The following CAST variants were observed in gnomAD, a reference collection of about 807,000 sequenced individuals.
CAST encodes calpastatin, also known as MIR583 host.
CAST carries 76 observed loss-of-function variants against 119.6 expected under a neutral mutation model. That is an observed-to-expected ratio of 0.64 (90% CI 0.53 to 0.77). CAST has a LOEUF of 0.77. Among genes scored for constraint, CAST ranks in the 30% least tolerant of loss-of-function variants. The pLI is 0.00. For synonymous variants in CAST, 319 were observed against 331.6 expected, an observed-to-expected ratio of 0.96 and a Z score of 0.41; for missense variants, 953 against 946.5, an observed-to-expected ratio of 1.01 and a Z score of -0.09.
At position 96,595,380 on chromosome 5, in the gene CAST, G is replaced by GA. The variant is rs1413780444; in HGVS notation, c.60+65501dup. ...ATTATTATCAAACAGGAATTACGTG[G>GA]AGAGTTTATGTGAAACAACCTGGGA... On this transcript the variant is annotated intron_variant, in intron 1 of 11. Coordinates refer to the CAST transcript ENST00000505143. Among the ~76,000 whole-genome samples the GA allele has an allele frequency of 3.9e-5, 6 of 152,370 alleles. No individual in the cohort carries two copies. The East Asian group carries it at 1.2e-3, about 29-fold the overall frequency.
chr5:95,969,051 G>C, the CAST span, among the ~76,000 whole-genome samples: 1 of 152,178 alleles, frequency 6.6e-6, no homozygotes, highest in Admixed American at 6.5e-5. Flanking sequence ...GCGATAATGG[G>C]AGTATTAAAA....
chr5:96,355,955 C>T, the CAST span, among the ~76,000 whole-genome samples: 2 of 152,166 alleles, frequency 1.3e-5, no homozygotes, highest in East Asian at 3.8e-4. Flanking sequence ...CCAGCTTGGC[C>T]TGCCAAAGTG....
chr5:96,249,813 A>T, the CAST span, among the ~76,000 whole-genome samples: 54 of 152,190 alleles, frequency 3.5e-4, no homozygotes, highest in African/African-American at 1.3e-3. Context: ...TTTTAAGTAA[A>T]TGTCACTACT....
chr5:96,130,912 C>T, the CAST span, among the ~76,000 whole-genome samples: 1 of 152,054 alleles, frequency 6.6e-6, no homozygotes, highest in African/African-American at 2.4e-5. Context: ...AATGGACAAT[C>T]TCCTACATCG....
intron 1 of CAST, among the ~76,000 whole-genome samples, chr5:96,573,362 G>GCACAA (rs1166641057): frequency 5.3e-5 from 8 of 152,048 alleles, no homozygotes; most frequent in Admixed American, 4.6e-4. Flanking sequence ...CAGACATGGT[G>GCACAA]GCTCACACCT....
chr5:96,448,283 G>C, the CAST span, among the ~76,000 whole-genome samples: 2 of 152,184 alleles, frequency 1.3e-5, no homozygotes, highest in African/African-American at 4.8e-5. Context: ...TATGTCCCTT[G>C]AGGTTTTGAG....
chr5:96,664,547 C>G (rs1749073210), intron 1 of CAST, among the ~76,000 whole-genome samples: 1 of 152,182 alleles, frequency 6.6e-6, no homozygotes. Context: ...AGGCATGAGC[C>G]ACTGCACTGG....
intron 3 of CAST, among the ~76,000 whole-genome samples, chr5:96,701,314 G>T (rs1282714732): frequency 4.6e-5 from 7 of 152,172 alleles, no homozygotes; most frequent in African/African-American, 7.2e-5. Context: ...TCATTGAGCT[G>T]CCTAACTCTG....
intron 1 of CAST, among the ~76,000 whole-genome samples, chr5:96,555,525 C>G (rs1746220873): frequency 6.6e-6 from 1 of 152,192 alleles, no homozygotes; most frequent in African/African-American, 2.4e-5. Context: ...TCACTCCCAC[C>G]CTAATACTGC....
upstream of CAST, among the ~76,000 whole-genome samples, chr5:96,528,819 C>T (rs544897646): frequency 6.6e-6 from 1 of 152,314 alleles, no homozygotes; most frequent in East Asian, 1.9e-4. Context: ...CTAGACCACA[C>T]AAAATATCAC....
the CAST span, among the ~76,000 whole-genome samples, chr5:96,407,536 A>G: frequency 1.3e-5 from 2 of 152,232 alleles, no homozygotes; most frequent in Admixed American, 6.5e-5. Flanking sequence ...GCATCTTGTC[A>G]ATATATATAA....
chr5:96,675,337 C>A (rs536925551), intron 1 of CAST, among the ~76,000 whole-genome samples: 1 of 152,142 alleles, frequency 6.6e-6, no homozygotes, highest in African/African-American at 2.4e-5. Flanking sequence ...TACAGACTGA[C>A]CTTCTAGATT....
chr5:96,277,575 A>G, the CAST span, among the ~76,000 whole-genome samples: 2 of 152,180 alleles, frequency 1.3e-5, no homozygotes, highest in Non-Finnish European at 2.9e-5. Context: ...GTTTGTCTAA[A>G]AAAATTTTAA....
chr5:96,534,808 GA>G lies in CAST; in HGVS notation c.60+4931del, dbSNP rs1221468494. 2.6e-4 allele frequency among the ~76,000 whole-genome samples: 35 copies of G among 133,702 alleles called. 1 individual carries two copies. Among genetic ancestry groups the G allele is most frequent in the Non-Finnish European group, 3.2e-4 (20 of 62,390 alleles). 87.7% of individuals were successfully genotyped at this position (133,702 alleles called of 152,430 possible). On this transcript the variant is annotated intron_variant, in intron 1 of 11. Transcript: ENST00000505143. Reference sequence around the variant, plus strand: ...AAGAAAGAAAGAAAGAAAGAAGAAAGAAAGAAAGAAAGAAAAGAAAGAAGGA... The same window carrying G: ...AAGAAAGAAAGAAAGAAAGAAGAAAGAAGAAAGAAAGAAAAGAAAGAAGGA...
At chr5:96,291,156 A>G in the CAST span, among the ~76,000 whole-genome samples, 1 of 152,212 alleles carries the variant, frequency 6.6e-6, no homozygotes, top group Non-Finnish European at 1.5e-5. Flanking sequence ...TCTCAGCTGA[A>G]ATCTTGACTC....
At chr5:96,470,187 TCACA>T in the CAST span, among the ~76,000 whole-genome samples, 1 of 144,658 alleles carries the variant, frequency 6.9e-6, no homozygotes, top group South Asian at 2.3e-4. Flanking sequence ...AAATAAATGC[TCACA>T]CACACACACA....
At chr5:95,973,028 G>C in the CAST span, 1 of 152,232 alleles carries the variant, frequency 6.6e-6, no homozygotes, top group South Asian at 2.1e-4. Flanking sequence ...TTTCCAAAGT[G>C]ATGAAAGAAT....
chr5:96,137,091 C>T, the CAST span, among the ~76,000 whole-genome samples: 1 of 152,100 alleles, frequency 6.6e-6, no homozygotes, highest in Non-Finnish European at 1.5e-5. Flanking sequence ...ACCCTTTGTG[C>T]TGTAAAGGTT....
At chr5:96,397,346 A>T in the CAST span, 17 of 1,613,262 alleles carry the variant, frequency 1.1e-5, no homozygotes, top group Non-Finnish European at 1.4e-5. Context: ...CATGTCTGTA[A>T]TTCTCAAAGT....
Sources: allele counts gnomAD v4.1 joint callset (sites outside exome capture counted in the v4.1 genomes callset), GRCh38; gene constraint gnomAD v4.1.1; transcripts MANE v1.5; gene names NCBI Gene and HGNC (gene_info 2026-07-23, HGNC 2026-07-21).